Variants in RGS7 observed in about 807,000 individuals in gnomAD.
RGS7 encodes regulator of G protein signaling 7.
Under a neutral mutation model 81.1 loss-of-function variants are expected in RGS7, and 27 were observed. The observed-to-expected ratio is 0.33, with a 90% CI of 0.25 to 0.46. The LOEUF (loss-of-function observed/expected upper bound fraction) is 0.46, where lower values mean the gene tolerates loss of function less well. RGS7 is among the 20% of genes least tolerant of loss of function. The pLI is 1.00. For synonymous variants in RGS7, 208 were observed against 207.7 expected, an observed-to-expected ratio of 1.00 and a Z score of -0.01; for missense variants, 396 against 607.4, an observed-to-expected ratio of 0.65 and a Z score of 3.66.
At chr1:241,331,604 T>C (rs769838863) in intron 2 of RGS7, among the ~76,000 whole-genome samples, 95 of 152,210 alleles carry the variant, frequency 6.2e-4, no homozygotes, top group Non-Finnish European at 1.1e-3. Flanking sequence ...GATTTAGCAA[T>C]TGTGTTTGTT....
intron 6 of RGS7, among the ~76,000 whole-genome samples, chr1:240,907,007 G>A (rs1448839188): frequency 1.3e-5 from 2 of 152,176 alleles, no homozygotes; most frequent in Non-Finnish European, 2.9e-5. Context: ...TAACTTTTTA[G>A]TGTATTCTAA....
At chr1:241,339,610 T>C (rs556775678) in intron 2 of RGS7, among the ~76,000 whole-genome samples, 124 of 152,328 alleles carry the variant, frequency 8.1e-4, no homozygotes, top group African/African-American at 2.9e-3. Flanking sequence ...TCAGGTATGG[T>C]GACCCTGTAA....
At position 240,913,110 on chromosome 1, in the gene RGS7, A is replaced by G. The variant is rs983827828; in HGVS notation, c.385+17607T>C. ...AGCTATTTTTAGTACAACAGAGAGC[A>G]TTTCTAGAGATTGAGATTATAAACC... On this transcript the variant is annotated intron_variant, in intron 6 of 18. Transcript: ENST00000440928. Among the ~76,000 whole-genome samples the G allele has an allele frequency of 2.6e-5, 4 of 152,356 alleles. No individual in the cohort carries two copies. The South Asian group carries it at 8.3e-4, about 32-fold the overall frequency.
intron 9 of RGS7, among the ~76,000 whole-genome samples, chr1:240,854,441 T>A (rs1305588254): frequency 3.9e-5 from 6 of 152,166 alleles, no homozygotes; most frequent in Non-Finnish European, 7.4e-5. Flanking sequence ...GCTCTCAAAT[T>A]TCAATCCGAG....
At chr1:241,330,322 C>T (rs1360486109) in intron 2 of RGS7, among the ~76,000 whole-genome samples, 1 of 152,150 alleles carries the variant, frequency 6.6e-6, no homozygotes, top group Non-Finnish European at 1.5e-5. Context: ...TGTCACACAT[C>T]TGAGGGTGAA....
At chr1:240,977,746 G>A (rs1368559726) in intron 4 of RGS7, among the ~76,000 whole-genome samples, 1 of 152,308 alleles carries the variant, frequency 6.6e-6, no homozygotes, top group Non-Finnish European at 1.5e-5. Context: ...TATGTGAGAA[G>A]GCGGCACAAC....
chr1:241,310,512 G>T (rs372549989), intron 2 of RGS7, among the ~76,000 whole-genome samples: 2 of 151,328 alleles, frequency 1.3e-5, no homozygotes, highest in African/African-American at 4.9e-5. Context: ...TGGTGAGACA[G>T]AGGAAGAAAA....
chr1:241,169,747 G>GA (rs773776125), intron 2 of RGS7, among the ~76,000 whole-genome samples: 1 of 152,174 alleles, frequency 6.6e-6, no homozygotes, highest in South Asian at 2.1e-4. Context: ...ATAAAATTAG[G>GA]AATTTACCTA....
chr1:240,948,103 T>C (rs950058589), intron 4 of RGS7, among the ~76,000 whole-genome samples: 10 of 152,332 alleles, frequency 6.6e-5, no homozygotes, highest in Admixed American at 5.9e-4. Context: ...GAAGACCGCG[T>C]ATCTTTTAGT....
chr1:240,803,271 C>G (rs1688296983), intron 15 of RGS7, among the ~76,000 whole-genome samples: 1 of 151,988 alleles, frequency 6.6e-6, no homozygotes, highest in Non-Finnish European at 1.5e-5. Context: ...CATAAAATTA[C>G]CTCAAATCAA....
rs543434365 is a variant in RGS7, at chr1:240,976,302, G to A, written c.226+6777C>T. Among the ~76,000 whole-genome samples, 3 of 152,172 alleles carry A rather than the reference G, an allele frequency of 2.0e-5. No homozygotes were observed. The South Asian group carries it at 6.3e-4, about 32-fold the overall frequency. The stretch of plus-strand genomic sequence containing the variant: ...AGCTAGGAAGGGGCTCTGCCAATGG[G>A]AACATGTAACAACATGGAAGCAATG... On this transcript the variant is annotated intron_variant, in intron 4 of 18. Transcript: ENST00000440928.
intron 9 of RGS7, among the ~76,000 whole-genome samples, chr1:240,851,540 T>A (rs931067862): frequency 3.9e-5 from 6 of 152,232 alleles, no homozygotes; most frequent in African/African-American, 1.4e-4. Context: ...TAATTTTGAC[T>A]TTCAAGTCTT....
intron 2 of RGS7, among the ~76,000 whole-genome samples, chr1:241,195,598 T>A (rs1436092513): frequency 1.3e-5 from 2 of 152,150 alleles, no homozygotes; most frequent in Non-Finnish European, 2.9e-5. Context: ...GGACTTAAGA[T>A]AACAGTGATT....
intron 2 of RGS7, among the ~76,000 whole-genome samples, chr1:241,106,939 G>T (rs1324357288): frequency 6.6e-6 from 1 of 150,734 alleles, no homozygotes; most frequent in African/African-American, 2.4e-5. Flanking sequence ...TCATCTCAAG[G>T]AATATAACCT....
intron 3 of RGS7, among the ~76,000 whole-genome samples, chr1:241,076,430 C>T (rs2062804081): frequency 6.6e-6 from 1 of 152,168 alleles, no homozygotes; most frequent in Non-Finnish European, 1.5e-5. Context: ...TTTAGTATGG[C>T]TATGATAAAT....
intron 9 of RGS7, among the ~76,000 whole-genome samples, chr1:240,836,444 TTGCATCTGGGA>T (rs1368392255): frequency 6.6e-6 from 1 of 152,136 alleles, no homozygotes; most frequent in East Asian, 1.9e-4. Context: ...TGTGAAGTGG[TTGCATCTGGGA>T]TGCATTTTGA....
chr1:240,985,949 T>TTAAATAAATAAATAAA (rs71172667), intron 3 of RGS7, among the ~76,000 whole-genome samples: 22 of 144,562 alleles, frequency 1.5e-4, no homozygotes, highest in Non-Finnish European at 1.7e-4. Flanking sequence ...CAGCTTTATA[T>TTAAATAAATAAATAAA]TAAATAAATA....
chr1:240,930,359 C>T (rs2148343321), intron 6 of RGS7, among the ~76,000 whole-genome samples: 1 of 151,518 alleles, frequency 6.6e-6, no homozygotes, highest in Non-Finnish European at 1.5e-5. Context: ...CTAAAAAGCA[C>T]ACAGCTAAGT....
At chr1:240,914,412 G>A (rs912812002) in intron 6 of RGS7, among the ~76,000 whole-genome samples, 1 of 152,070 alleles carries the variant, frequency 6.6e-6, no homozygotes, top group Admixed American at 6.6e-5. Context: ...AAGCTAAAGG[G>A]AAACCAAGGT....
Sources: gnomAD v4.1 joint callset for allele counts (sites outside exome capture counted in the v4.1 genomes callset) on GRCh38, gnomAD v4.1.1 for gene constraint, MANE v1.5 for transcripts, NCBI Gene and HGNC (gene_info 2026-07-23, HGNC 2026-07-21) for gene names.